Variants in FAM110B observed in about 807,000 individuals in gnomAD.
The protein encoded by FAM110B is family with sequence similarity 110 member B.
Under a neutral mutation model 20.4 loss-of-function variants are expected in FAM110B, and 6 were observed. The observed-to-expected ratio is 0.29, with a 90% confidence interval of 0.16 to 0.58. FAM110B has a LOEUF of 0.58. Among genes scored for constraint, FAM110B ranks in the 20% least tolerant of loss-of-function variants. The pLI is 0.90. For missense variants in FAM110B, 434 were observed against 498.2 expected (o/e 0.87, Z 1.23); for synonymous variants, 226 against 214.1 (o/e 1.06, Z -0.49).
chr8:58,082,280 G>A lies in FAM110B; in HGVS notation c.-325+6657G>A, dbSNP rs140975567. ...TCTTAACTGCCTATAGTAGAGTGAC[G>A]TCTTAATGGGCATGTAGAGACAAAC... On this transcript the variant is annotated intron_variant, in intron 3 of 3. Transcript: ENST00000519262. 2.8e-3 allele frequency among the ~76,000 whole-genome samples: 420 copies of A among 152,270 alleles called. 4 individuals carry two copies. The highest frequency in any genetic ancestry group is 9.6e-3 in the African/African-American group (398 of 41,556).
At chr8:58,095,098 C>T (rs187273294) in intron 3 of FAM110B, among the ~76,000 whole-genome samples, 1 of 151,850 alleles carries the variant, frequency 6.6e-6, no homozygotes, top group East Asian at 1.9e-4. Flanking sequence ...TGGTGATATC[C>T]CCTTTATCAT....
At chr8:58,074,988 T>A (rs1465586941) in intron 2 of FAM110B, among the ~76,000 whole-genome samples, 1 of 152,210 alleles carries the variant, frequency 6.6e-6, no homozygotes, top group Non-Finnish European at 1.5e-5. Flanking sequence ...ATGTCTGTTT[T>A]AAAAAAGAAA....
chr8:58,024,396 T>A (rs1332932175), intron 1 of FAM110B, among the ~76,000 whole-genome samples: 1 of 152,142 alleles, frequency 6.6e-6, no homozygotes, highest in South Asian at 2.1e-4. Flanking sequence ...AAGGAAAATT[T>A]TCCAATTGTT....
At chr8:58,030,465 T>A (rs1452001457) in intron 1 of FAM110B, among the ~76,000 whole-genome samples, 1 of 152,186 alleles carries the variant, frequency 6.6e-6, no homozygotes. Context: ...TAGGTCAGGA[T>A]TTACAGCCTT....
intron 3 of FAM110B, among the ~76,000 whole-genome samples, chr8:58,108,433 G>T (rs1180078665): frequency 1.3e-5 from 2 of 152,214 alleles, no homozygotes; most frequent in African/African-American, 2.4e-5. Flanking sequence ...GTCACTTGCT[G>T]GCAGGCCTTC....
At chr8:58,024,172 C>CTTTTTTTTTTT (rs10651271) in intron 1 of FAM110B, among the ~76,000 whole-genome samples, 4 of 129,516 alleles carry the variant, frequency 3.1e-5, no homozygotes, top group East Asian at 2.2e-4. Context: ...TTTCACTGTG[C>CTTTTTTTTTTT]TTTTTTTTTT....
rs148320576 is a variant in FAM110B, at chr8:58,044,848, A to G, written c.-414+13145A>G. On this transcript the variant is annotated intron_variant, in intron 2 of 3. Coordinates refer to ENST00000519262, the MANE Select transcript of FAM110B (RefSeq NM_001377989.1). ...AATTTTTATGAGACAGGGGCAGAAT[A>G]CTTTATGGATGAAGTGAAACAGAGC... is the stretch of plus-strand genomic sequence containing the variant. Among the ~76,000 whole-genome samples, 249 of 152,318 alleles carry G rather than the reference A, an allele frequency of 1.6e-3. 3 individuals carry two copies. The highest frequency in any genetic ancestry group is 5.7e-3 in the African/African-American group (238 of 41,574).
chr8:58,012,547 A>G (rs925734250), intron 1 of FAM110B, among the ~76,000 whole-genome samples: 1 of 152,212 alleles, frequency 6.6e-6, no homozygotes, highest in Non-Finnish European at 1.5e-5. Flanking sequence ...GGGAAAAAAA[A>G]TTAAGAATGA....
At position 58,075,348 on chromosome 8, in the gene FAM110B, C is replaced by T. The variant is rs193232357; in HGVS notation, c.-413-187C>T. On this transcript the variant is annotated intron_variant, in intron 2 of 3. Coordinates refer to ENST00000519262, the MANE Select transcript of FAM110B (RefSeq NM_001377989.1). ...TGGGCAGGCTGGTTTCCAACTGCTGCCCTCAAGTGATCTGCCCCCCTCGGC... is the reference window on the plus strand; with the variant it reads ...TGGGCAGGCTGGTTTCCAACTGCTGTCCTCAAGTGATCTGCCCCCCTCGGC... 1.8e-3 allele frequency among the ~76,000 whole-genome samples: 266 copies of T among 151,098 alleles called. 1 individual carries two copies. The highest frequency in any genetic ancestry group is 6.1e-3 in the African/African-American group (250 of 40,852).
intron 2 of FAM110B, among the ~76,000 whole-genome samples, chr8:58,059,249 T>A (rs1805609370): frequency 6.6e-6 from 1 of 152,222 alleles, no homozygotes; most frequent in Non-Finnish European, 1.5e-5. Flanking sequence ...GTAAATATTG[T>A]TGAATAAGTC....
At chr8:58,102,245 T>C (rs1162549711) in intron 3 of FAM110B, among the ~76,000 whole-genome samples, 1 of 152,228 alleles carries the variant, frequency 6.6e-6, no homozygotes, top group African/African-American at 2.4e-5. Context: ...CAGCTCTGAT[T>C]GACAGAACTT....
At chr8:58,005,342 C>T (rs1009955017) in intron 1 of FAM110B, among the ~76,000 whole-genome samples, 7 of 152,128 alleles carry the variant, frequency 4.6e-5, no homozygotes, top group African/African-American at 1.4e-4. Context: ...GTGCCCCAAA[C>T]AATTACAATG....
chr8:58,142,646 C>T lies in FAM110B; in HGVS notation c.-324-3261C>T, dbSNP rs181513171. ...ATTCAGCGAACCATTAGCACCTTGG[C>T]TCTGCCAAGTTTCTTTTCCCCAGTC... On this transcript the variant is annotated intron_variant, in intron 3 of 3. Transcript: ENST00000519262. Among the ~76,000 whole-genome samples, 58 of 151,822 alleles carry T rather than the reference C, an allele frequency of 3.8e-4. No homozygotes were observed. In the East Asian group the frequency reaches 0.01, roughly 27 times the overall value.
At chr8:58,125,141 G>GA (rs1426810854) in intron 3 of FAM110B, among the ~76,000 whole-genome samples, 1 of 152,090 alleles carries the variant, frequency 6.6e-6, no homozygotes, top group Non-Finnish European at 1.5e-5. Context: ...TTGAGCCCAG[G>GA]AGTTCGAGAC....
chr8:57,999,584 ATAGTT>A (rs947060341), intron 1 of FAM110B, among the ~76,000 whole-genome samples: 1 of 152,182 alleles, frequency 6.6e-6, no homozygotes, highest in Non-Finnish European at 1.5e-5. Context: ...GCAAAAGAAC[ATAGTT>A]TACTAAGTTC....
chr8:58,095,725 G>T (rs1806606925), intron 3 of FAM110B, among the ~76,000 whole-genome samples: 1 of 152,146 alleles, frequency 6.6e-6, no homozygotes, highest in Non-Finnish European at 1.5e-5. Context: ...GTTGATTTGG[G>T]GTGGAGAGTT....
intron 1 of FAM110B, among the ~76,000 whole-genome samples, chr8:58,020,677 A>T (rs559228258): frequency 1.0e-3 from 157 of 152,356 alleles, no homozygotes; most frequent in African/African-American, 3.6e-3. Flanking sequence ...GGGCTACATG[A>T]TTTCTCTCAG....
At chr8:58,080,269 G>A (rs1277169599) in intron 3 of FAM110B, among the ~76,000 whole-genome samples, 1 of 152,186 alleles carries the variant, frequency 6.6e-6, no homozygotes, top group Non-Finnish European at 1.5e-5. Flanking sequence ...TCGGACAATG[G>A]GGAAAGTAGA....
chr8:58,102,506 G>A (rs1372320468), intron 3 of FAM110B, among the ~76,000 whole-genome samples: 3 of 152,158 alleles, frequency 2.0e-5, no homozygotes, highest in South Asian at 2.1e-4. Context: ...GTGAACTAGC[G>A]TAGATCAGAT....
Sources: allele counts gnomAD v4.1 joint callset (sites outside exome capture counted in the v4.1 genomes callset), GRCh38; gene constraint gnomAD v4.1.1; transcripts MANE v1.5; gene names NCBI Gene and HGNC (gene_info 2026-07-23, HGNC 2026-07-21).